TSHZ2: variants seen among roughly 807,000 people sequenced by gnomAD.
The protein encoded by TSHZ2 is teashirt zinc finger homeobox 2.
A neutral mutation model predicts 74.4 loss-of-function variants in TSHZ2; 21 were observed. That is an observed-to-expected ratio of 0.28 (90% CI 0.20 to 0.41). TSHZ2 has a LOEUF of 0.41. Among genes scored for constraint, TSHZ2 ranks in the 10% least tolerant of loss-of-function variants. TSHZ2 has a pLI of 1.00. For synonymous variants in TSHZ2, 540 were observed against 515.3 expected (o/e 1.05, Z -0.65); for missense variants, 1,244 against 1,293.5 (o/e 0.96, Z 0.59).
At chr20:53,321,163 A>T (rs1197594568) in intron 2 of TSHZ2, among the ~76,000 whole-genome samples, 2 of 152,188 alleles carry the variant, frequency 1.3e-5, no homozygotes, top group African/African-American at 4.8e-5. Flanking sequence ...ACTTTAGAAA[A>T]ATGAAAATAT....
chr20:53,366,079 G>A (rs1326222215), intron 2 of TSHZ2, among the ~76,000 whole-genome samples: 1 of 152,186 alleles, frequency 6.6e-6, no homozygotes, highest in African/African-American at 2.4e-5. Flanking sequence ...AAAAAGAAGG[G>A]GGAATACAAA....
At chr20:53,347,837 C>G in intron 2 of TSHZ2, among the ~76,000 whole-genome samples, 1 of 152,076 alleles carries the variant, frequency 6.6e-6, no homozygotes, top group Non-Finnish European at 1.5e-5. Context: ...ACATAAAATT[C>G]ACCGTTTTAA....
intron 1 of TSHZ2, among the ~76,000 whole-genome samples, chr20:53,049,012 C>A (rs1984331455): frequency 6.6e-6 from 1 of 152,208 alleles, no homozygotes; most frequent in Admixed American, 6.5e-5. Context: ...ACTCAGTCTT[C>A]ATGCCTATGA....
intron 1 of TSHZ2, among the ~76,000 whole-genome samples, chr20:53,120,034 G>A (rs1043187580): frequency 2.0e-5 from 3 of 152,042 alleles, no homozygotes; most frequent in African/African-American, 2.4e-5. Context: ...ATTTTCCTCT[G>A]GTATTCAAAG....
intron 1 of TSHZ2, among the ~76,000 whole-genome samples, chr20:53,119,488 A>G (rs1986754177): frequency 6.6e-6 from 1 of 152,182 alleles, no homozygotes. Context: ...TCAAGGGGAG[A>G]GAGTCCAGCG....
intron 1 of TSHZ2, among the ~76,000 whole-genome samples, chr20:53,075,818 G>T (rs909751846): frequency 1.5e-4 from 23 of 152,094 alleles, no homozygotes; most frequent in Non-Finnish European, 1.3e-4. Flanking sequence ...TGGGAGCCAG[G>T]TTCTGCTGGG....
rs1235727373 is a variant in TSHZ2, at chr20:53,366,970, CATTGCCGTTTTCAGT to C, written c.*8+110400_*8+110414del. 5.3e-5 allele frequency among the ~76,000 whole-genome samples: 8 copies of C among 152,306 alleles called. No homozygotes were observed. In the East Asian group the frequency reaches 1.5e-3, roughly 29 times the overall value. On this transcript the variant is annotated intron_variant, in intron 2 of 2. Coordinates refer to ENST00000371497, the MANE Select transcript of TSHZ2 (RefSeq NM_173485.6). Reference sequence around the variant, plus strand: ...TTGGGCTGTGCGACTTAATCGAGGGCATTGCCGTTTTCAGTGTAGACGCTAGGATCCAAGCCTGGT... The same window carrying C: ...TTGGGCTGTGCGACTTAATCGAGGGCGTAGACGCTAGGATCCAAGCCTGGT...
intron 1 of TSHZ2, among the ~76,000 whole-genome samples, chr20:53,077,151 G>A (rs1475355459): frequency 2.0e-5 from 3 of 152,282 alleles, no homozygotes; most frequent in East Asian, 3.9e-4. Context: ...GATGGCCCAT[G>A]CCTGTAATCC....
intron 1 of TSHZ2, among the ~76,000 whole-genome samples, chr20:53,183,870 G>T (rs897936649): frequency 4.6e-5 from 7 of 152,326 alleles, no homozygotes; most frequent in African/African-American, 1.7e-4. Flanking sequence ...GAGCAAGGCT[G>T]CTCTGCAGAT....
rs1367181169 is a variant in TSHZ2, at chr20:53,254,037, C to G, written c.579C>G (p.Ser193Arg). 2 of 1,614,024 alleles carry G rather than the reference C, an allele frequency of 1.2e-6. No homozygotes were observed. Among genetic ancestry groups the G allele is most frequent in the Non-Finnish European group, 1.7e-6 (2 of 1,180,040 alleles). ...CCGTCTCGAAACCCAGCCTGTTCAG[C>G]TCGGTGCAGTTGTACCGACAGAGCA... is the stretch of plus-strand genomic sequence containing the variant. ...SRSVSKPSLF[S>R]SVQLYRQSSK... The change falls in exon 2 of 3, where the codon AGC (serine) becomes AGG (arginine). Residue 193 changes from serine to arginine, a missense_variant. Physicochemically the swap from Ser to Arg is moderately radical, Grantham distance 110 (BLOSUM62 -1). Transcript: ENST00000371497.
intron 2 of TSHZ2, among the ~76,000 whole-genome samples, chr20:53,474,575 C>G (rs201299825): frequency 2.3e-5 from 3 of 130,352 alleles, no homozygotes; most frequent in Non-Finnish European, 3.2e-5. Flanking sequence ...AAAGACCATC[C>G]AGACTAGGAA....
Position 53,058,730 on chromosome 20 carries a change from G to A in TSHZ2, c.40+85397G>A, listed in dbSNP as rs75428043. Among the ~76,000 whole-genome samples the A allele has an allele frequency of 3.2e-3, 493 of 152,314 alleles. 3 individuals are homozygous for A. The highest frequency in any genetic ancestry group is 0.011 in the African/African-American group (461 of 41,570). ...GTTTATTTTGCTTTTCTTGGAAATA[G>A]GCCTGACCAGGTGGCAAATGTCTGT... On this transcript the variant is annotated intron_variant, in intron 1 of 2. Transcript: ENST00000371497.
At chr20:53,349,772 A>G (rs995162977) in intron 2 of TSHZ2, among the ~76,000 whole-genome samples, 2 of 152,186 alleles carry the variant, frequency 1.3e-5, no homozygotes, top group African/African-American at 4.8e-5. Flanking sequence ...CTTCAGTGGT[A>G]TATTCATTCT....
intron 1 of TSHZ2, among the ~76,000 whole-genome samples, chr20:53,219,679 A>G (rs886456358): frequency 4.6e-5 from 7 of 152,234 alleles, no homozygotes; most frequent in African/African-American, 1.4e-4. Flanking sequence ...AAAGAGCTCC[A>G]GCGATCAAAG....
chr20:53,369,974 C>T (rs779445848), intron 2 of TSHZ2, among the ~76,000 whole-genome samples: 1 of 151,946 alleles, frequency 6.6e-6, no homozygotes, highest in Non-Finnish European at 1.5e-5. Context: ...TGTGTCGATT[C>T]CTTGAAATTT....
At chr20:53,177,439 G>T (rs1988370118) in intron 1 of TSHZ2, among the ~76,000 whole-genome samples, 1 of 151,934 alleles carries the variant, frequency 6.6e-6, no homozygotes, top group Non-Finnish European at 1.5e-5. Flanking sequence ...CAGCAGATCT[G>T]TGCCGAGATT....
chr20:53,288,078 A>T (rs1175161867), intron 2 of TSHZ2, among the ~76,000 whole-genome samples: 2 of 152,144 alleles, frequency 1.3e-5, no homozygotes, highest in African/African-American at 4.8e-5. Flanking sequence ...CTTTAGACAG[A>T]TGTGTAGATT....
chr20:53,291,356 G>A (rs1347579758), intron 2 of TSHZ2, among the ~76,000 whole-genome samples: 3 of 151,502 alleles, frequency 2.0e-5, no homozygotes, highest in South Asian at 4.2e-4. Flanking sequence ...ACCTGTATTC[G>A]CAGCTACTCA....
intron 1 of TSHZ2, among the ~76,000 whole-genome samples, chr20:52,994,899 A>G (rs1328927808): frequency 6.6e-6 from 1 of 152,160 alleles, no homozygotes; most frequent in African/African-American, 2.4e-5. Context: ...TGTACATTAC[A>G]GTGCACTTGA....
Sources: gnomAD v4.1 joint callset for allele counts (sites outside exome capture counted in the v4.1 genomes callset) on GRCh38, gnomAD v4.1.1 for gene constraint, MANE v1.5 for transcripts, NCBI Gene and HGNC (gene_info 2026-07-23, HGNC 2026-07-21) for gene names.